The following MALRD1 variants were observed in gnomAD, a reference collection of about 807,000 sequenced individuals.
MALRD1 encodes MAM and LDL receptor class A domain containing 1.
MALRD1 carries 247 observed loss-of-function variants against 242.1 expected under a neutral mutation model. The observed-to-expected ratio is 1.02, with a 90% CI of 0.92 to 1.13. The LOEUF is 1.13. MALRD1 is among the 50% of genes most tolerant of loss of function. The probability of loss-of-function intolerance (pLI) is 0.00; values close to 1 mark genes in which losing one functional copy is unlikely to be tolerated. For synonymous variants in MALRD1, 995 were observed against 866.6 expected (o/e 1.15, Z -2.60); for missense variants, 2,989 against 2,533.1 (o/e 1.18, Z -3.86).
At chr10:19,059,328 T>C (rs1421988109) in intron 1 of MALRD1, among the ~76,000 whole-genome samples, 2 of 152,136 alleles carry the variant, frequency 1.3e-5, no homozygotes, top group Non-Finnish European at 2.9e-5. Flanking sequence ...CTATATCACT[T>C]TTCTTTTTTG....
intron 13 of MALRD1, among the ~76,000 whole-genome samples, chr10:19,173,396 C>T (rs1412088560): frequency 6.6e-6 from 1 of 152,102 alleles, no homozygotes; most frequent in Non-Finnish European, 1.5e-5. Flanking sequence ...TCAAAACCAG[C>T]ACTGAAATAA....
chr10:19,207,667 A>G (rs1270880284), intron 17 of MALRD1, among the ~76,000 whole-genome samples: 1 of 151,814 alleles, frequency 6.6e-6, no homozygotes, highest in Non-Finnish European at 1.5e-5. Flanking sequence ...CTCCCGGATA[A>G]TTTGTTTGTA....
chr10:19,326,111 A>G (rs1843125078), intron 22 of MALRD1, among the ~76,000 whole-genome samples: 1 of 152,160 alleles, frequency 6.6e-6, no homozygotes, highest in Admixed American at 6.6e-5. Context: ...ACGCATGGTT[A>G]TGTTTAATAA....
At chr10:19,729,585 A>T in intron 38 of MALRD1, among the ~76,000 whole-genome samples, 1 of 144,718 alleles carries the variant, frequency 6.9e-6, no homozygotes, top group East Asian at 2.3e-4. Flanking sequence ...TGTGTATAGG[A>T]TCCTTTCGTG....
chr10:19,337,121 T>C lies in MALRD1; in HGVS notation c.3901+5539T>C, dbSNP rs553243424. Among the ~76,000 whole-genome samples, 10 of 152,218 alleles carry C rather than the reference T, an allele frequency of 6.6e-5. No homozygotes were observed. The East Asian group carries it at 1.7e-3, about 26-fold the overall frequency. On this transcript the variant is annotated intron_variant, in intron 24 of 39. Transcript: ENST00000454679. The stretch of plus-strand genomic sequence containing the variant: ...ACAAGTAAACTTACACATATGTATA[T>C]GTAAGTAAACTTTCATATACATATG...
At chr10:19,326,718 A>G (rs909114118) in intron 22 of MALRD1, among the ~76,000 whole-genome samples, 5 of 152,148 alleles carry the variant, frequency 3.3e-5, no homozygotes, top group Non-Finnish European at 7.4e-5. Flanking sequence ...TGTGAATTTA[A>G]TTAAAAAAAC....
chr10:19,640,615 G>A (rs2131676904), intron 36 of MALRD1, among the ~76,000 whole-genome samples: 1 of 152,214 alleles, frequency 6.6e-6, no homozygotes, highest in South Asian at 2.1e-4. Context: ...ATTTTATGGA[G>A]TCTCCTAGCA....
chr10:19,540,208 C>G (rs768864722), intron 32 of MALRD1, among the ~76,000 whole-genome samples: 1 of 152,034 alleles, frequency 6.6e-6, no homozygotes, highest in Non-Finnish European at 1.5e-5. Context: ...CTTCTTTAGG[C>G]TAGTGCAAGA....
intron 38 of MALRD1, among the ~76,000 whole-genome samples, chr10:19,695,989 A>G (rs1488420564): frequency 1.3e-5 from 2 of 152,180 alleles, no homozygotes; most frequent in Admixed American, 1.3e-4. Flanking sequence ...CCAATGACAC[A>G]TGAGAATTAT....
rs541003784 is a variant in MALRD1, at chr10:19,069,599, T to C, written c.340+2740T>C. Among the ~76,000 whole-genome samples, 452 of 152,102 alleles carry C rather than the reference T, an allele frequency of 3.0e-3. 3 individuals carry two copies. Among genetic ancestry groups the C allele is most frequent in the Non-Finnish European group, 4.5e-3 (304 of 67,932 alleles). The stretch of plus-strand genomic sequence containing the variant: ...TTCTGCTGGTGATAAATTATGTTAG[T>C]TTTTCCCCCTGAAAATGTTTTTATT... On this transcript the variant is annotated intron_variant, in intron 2 of 39. Transcript: ENST00000454679.
chr10:19,052,818 C>A (rs1431478798), intron 1 of MALRD1, among the ~76,000 whole-genome samples: 3 of 152,218 alleles, frequency 2.0e-5, no homozygotes, highest in Admixed American at 2.0e-4. Flanking sequence ...CTACTCCCCT[C>A]TGAGATTGGC....
At chr10:19,606,677 A>T (rs868002386) in intron 34 of MALRD1, among the ~76,000 whole-genome samples, 1 of 152,094 alleles carries the variant, frequency 6.6e-6, no homozygotes, top group Non-Finnish European at 1.5e-5. Flanking sequence ...GAGAAACAAG[A>T]TGAACATCAC....
intron 19 of MALRD1, among the ~76,000 whole-genome samples, chr10:19,271,709 G>A (rs1429083923): frequency 6.7e-6 from 1 of 149,826 alleles, no homozygotes; most frequent in Non-Finnish European, 1.5e-5. Context: ...GTTGCAGTGA[G>A]CCGAGATCTC....
chr10:19,548,255 G>C (rs567956872), intron 32 of MALRD1, among the ~76,000 whole-genome samples: 1 of 151,570 alleles, frequency 6.6e-6, no homozygotes, highest in Non-Finnish European at 1.5e-5. Context: ...CCCCTCTGCC[G>C]CCCAAAGTTC....
intron 21 of MALRD1, among the ~76,000 whole-genome samples, chr10:19,320,041 C>CTTTTTT (rs34481531): frequency 5.5e-5 from 4 of 73,070 alleles, no homozygotes; most frequent in Admixed American, 2.0e-4. Flanking sequence ...TATAAAACTG[C>CTTTTTT]TTTTTTTTTT....
At chr10:19,236,339 G>T (rs1157078693) in intron 18 of MALRD1, among the ~76,000 whole-genome samples, 1 of 152,166 alleles carries the variant, frequency 6.6e-6, no homozygotes, top group Non-Finnish European at 1.5e-5. Context: ...ACTTAAGCAG[G>T]TGGGATGCTC....
intron 2 of MALRD1, among the ~76,000 whole-genome samples, chr10:19,086,634 A>G (rs1438018053): frequency 1.3e-5 from 2 of 152,094 alleles, no homozygotes; most frequent in Non-Finnish European, 2.9e-5. Flanking sequence ...TTTCTGAACA[A>G]AAGCACAGTG....
At chr10:19,711,936 G>A (rs564443277) in intron 38 of MALRD1, among the ~76,000 whole-genome samples, 3 of 152,152 alleles carry the variant, frequency 2.0e-5, no homozygotes, top group Non-Finnish European at 2.9e-5. Flanking sequence ...GGGTAAGGAA[G>A]AGGAGCTGGT....
intron 29 of MALRD1, among the ~76,000 whole-genome samples, chr10:19,481,338 C>A (rs538707188): frequency 6.6e-6 from 1 of 152,220 alleles, no homozygotes; most frequent in African/African-American, 2.4e-5. Flanking sequence ...ACCTTTAAAC[C>A]TAATTCTTTT....
Sources: gnomAD v4.1 joint callset for allele counts (sites outside exome capture counted in the v4.1 genomes callset) on GRCh38, gnomAD v4.1.1 for gene constraint, MANE v1.5 for transcripts, NCBI Gene and HGNC (gene_info 2026-07-23, HGNC 2026-07-21) for gene names.